PLTP: variants seen among roughly 807,000 people sequenced by gnomAD.
PLTP encodes the protein phospholipid transfer protein.
In PLTP, 43 loss-of-function variants were observed where a neutral mutation model predicts 54.1. The observed-to-expected ratio is 0.79, with a 90% CI of 0.62 to 1.02. PLTP has a LOEUF of 1.02. Ranked by LOEUF, PLTP falls within the 50% of genes least tolerant of loss-of-function variation. The pLI is 0.00. For missense variants in PLTP, 604 were observed against 645.9 expected (o/e 0.94, Z 0.70); for synonymous variants, 263 against 264.6 (o/e 0.99, Z 0.06).
intron 12 of PLTP, 98 bp from the exon 13 acceptor site, chr20:45,899,976 T>C (rs2083165763): frequency 9.8e-7 from 1 of 1,023,626 alleles, no homozygotes; most frequent in East Asian, 2.6e-5. Flanking sequence ...AGTTGCAGGC[T>C]CAGATGCCCA....
Position 45,899,662 on chromosome 20 carries a change from C to T in PLTP, c.1242G>A (p.Leu414=), listed in dbSNP as rs775610925. Residue 414 remains leucine (L), a synonymous_variant, in exon 14 of 16, where the codon CTG becomes CTA. Transcript: ENST00000372431. ...SLALIPLQAP[L]KTMLQIGVMP... Reference sequence around the variant, plus strand: ...TCACCCCAATCTGCAGCATGGTCTTCAGAGGGGCCTGTAATGGGATCAGCT... The same window carrying T: ...TCACCCCAATCTGCAGCATGGTCTTTAGAGGGGCCTGTAATGGGATCAGCT... 1.9e-6 allele frequency: 3 copies of T among 1,613,886 alleles called. No homozygotes were observed. Among genetic ancestry groups the T allele is most frequent in the South Asian group, 1.1e-5 (1 of 91,066 alleles).
intron 12 of PLTP, 59 bp downstream of exon 12, chr20:45,902,208 C>T (rs1366167535): frequency 1.3e-6 from 2 of 1,558,550 alleles, no homozygotes; most frequent in Non-Finnish European, 1.8e-6. Flanking sequence ...CGCAACATCC[C>T]TGTGGACAGG....
intron 7 of PLTP, among the ~76,000 whole-genome samples, chr20:45,907,257 G>C (rs1352379804): frequency 3.3e-5 from 5 of 151,568 alleles, no homozygotes; most frequent in Non-Finnish European, 1.5e-5. Context: ...AACCCGGGAG[G>C]TGGAGATTGC....
Position 45,907,861 on chromosome 20 carries a change from G to C in PLTP, c.529C>G (p.Arg177Gly). Residue 177 changes from arginine to glycine, a missense_variant, in exon 6 of 16, where the codon CGC (arginine) becomes GGC (glycine). Transcript: ENST00000372431. The stretch of plus-strand genomic sequence containing the variant: ...CACACCTGCTGGTTGAGGAGGAAGC[G>C]CATCCCTGAGGTGATGAACGTGGAG... ...FLSTFITSGM[R>G]FLLNQQICPV... The C allele has an allele frequency of 6.3e-7, 1 of 1,596,852 alleles. No homozygotes were observed. The highest frequency in any genetic ancestry group is 8.5e-7 in the Non-Finnish European group (1 of 1,172,386).
chr20:45,901,221 T>G (rs1176232553), intron 12 of PLTP, among the ~76,000 whole-genome samples: 2 of 152,224 alleles, frequency 1.3e-5, no homozygotes, highest in African/African-American at 2.4e-5. Flanking sequence ...ATGTGGCTAG[T>G]ATCTACCATA....
chr20:45,909,805 GA>G (rs1478263422), intron 4 of PLTP, 134 bp from the exon 5 acceptor site: 167 of 1,415,536 alleles, frequency 1.2e-4, no homozygotes, highest in Non-Finnish European at 1.4e-4. Flanking sequence ...CAACTCGTAT[GA>G]AATGCATATG....
At chr20:45,905,366 G>C (rs2083230226) in intron 8 of PLTP, among the ~76,000 whole-genome samples, 1 of 152,228 alleles carries the variant, frequency 6.6e-6, no homozygotes, top group Admixed American at 6.5e-5. Flanking sequence ...TGACATCTGA[G>C]TGGGCCTTGA....
At position 45,907,739 on chromosome 20, in the gene PLTP, T is replaced by C. The variant is rs141849318; in HGVS notation, c.566A>G (p.Tyr189Cys). The change falls in exon 7 of 16, where the codon TAC becomes TGC. Residue 189 changes from tyrosine to cysteine, a missense_variant. Coordinates refer to ENST00000372431, the MANE Select transcript of PLTP (RefSeq NM_006227.4). ...GTTGAGCAGGACCGTCCCTGCGTGG[T>C]AGAGGACAGGGCAGATCTGCGAGGT... is the stretch of plus-strand genomic sequence containing the variant. Reference protein sequence around the residue: ...LLNQQICPVLYHAGTVLLNSL... With the variant: ...LLNQQICPVLCHAGTVLLNSL... The C allele has an allele frequency of 6.2e-7, 1 of 1,613,768 alleles. No individual in the cohort carries two copies. The highest frequency in any genetic ancestry group is 8.5e-7 in the Non-Finnish European group (1 of 1,179,952).
intron 12 of PLTP, 128 bp from the exon 13 acceptor site, chr20:45,900,006 G>A: frequency 1.3e-6 from 1 of 777,896 alleles, no homozygotes; most frequent in East Asian, 2.7e-5. Flanking sequence ...CTTTCCAAGT[G>A]CTACAACTTT....
chr20:45,898,624 G>A lies in PLTP; in HGVS notation c.*317C>T. On this transcript the variant is annotated 3_prime_UTR_variant, in exon 16 of 16. Transcript: ENST00000372431. This position sits in a 1 kb window ranked among gnomAD's most constrained non-coding sequence, Gnocchi z 4.6. ...CCCAGGGTCTCCCATAGACAGCCTG[G>A]GGGCAAGTTAGCACTTTATTCCCGC... The A allele has an allele frequency of 1.3e-6, 1 of 746,472 alleles. No homozygotes were observed. Among genetic ancestry groups the A allele is most frequent in the Non-Finnish European group, 2.3e-6 (1 of 432,142 alleles). 46.2% of individuals were successfully genotyped at this position (746,472 alleles called of 1,614,324 possible). A position where few individuals can be genotyped will look rare whatever the true frequency, so the allele number is the denominator to read the frequency against.
chr20:45,905,215 G>A (rs1472218819), intron 8 of PLTP, 97 bp from the exon 9 acceptor site: 3 of 1,070,274 alleles, frequency 2.8e-6, no homozygotes, highest in Non-Finnish European at 4.2e-6. Context: ...CACTGTGGGG[G>A]GATGGTGGGA....
intron 10 of PLTP, among the ~76,000 whole-genome samples, chr20:45,903,792 T>C (rs1391197025): frequency 3.9e-5 from 6 of 152,144 alleles, no homozygotes; most frequent in Non-Finnish European, 5.9e-5. Flanking sequence ...TGAGCCAAGA[T>C]TGCGCCACTG....
rs757314282 is a variant in PLTP at position 45,909,562 on chromosome 20, G to A, written c.439C>T (p.Gln147Ter). 6.2e-7 allele frequency: 1 copy of A among 1,614,200 alleles called. No individual in the cohort carries two copies. The highest frequency in any genetic ancestry group is 1.7e-5 in the Admixed American group (1 of 60,018). The change falls in exon 5 of 16, where the codon CAG (glutamine) becomes TAG (stop). Residue 147 changes from glutamine (Q) to a stop codon, truncating the protein, a stop_gained. Transcript: ENST00000372431. LOFTEE classifies it high-confidence loss of function. ...GCGTGCATTCTGGAGACAGAGGCCTGGCAGGAGACATTGGACACTTTCATC... is the reference window on the plus strand; with the variant it reads ...GCGTGCATTCTGGAGACAGAGGCCTAGCAGGAGACATTGGACACTTTCATC... The part of the protein sequence containing the change: ...GRMKVSNVSC[Q>*]ASVSRMHAAF...
chr20:45,910,328 G>GT (rs1490135690), intron 3 of PLTP, among the ~76,000 whole-genome samples: 1 of 152,056 alleles, frequency 6.6e-6, no homozygotes, highest in African/African-American at 2.4e-5. Context: ...TTGTTTGTTT[G>GT]TTTGCCAGGT....
chr20:45,901,951 C>T (rs1251756718), intron 12 of PLTP, among the ~76,000 whole-genome samples: 1 of 151,746 alleles, frequency 6.6e-6, no homozygotes, highest in Non-Finnish European at 1.5e-5. Flanking sequence ...AAAATGGCCT[C>T]AAGGTCACAA....
intron 10 of PLTP, among the ~76,000 whole-genome samples, chr20:45,902,938 T>G (rs2083200967): frequency 6.6e-6 from 1 of 152,198 alleles, no homozygotes; most frequent in South Asian, 2.1e-4. Flanking sequence ...GAGTCTCACT[T>G]TGTTGCCCAG....
At chr20:45,902,211 TG>T in intron 12 of PLTP, 55 bp downstream of exon 12, 2 of 1,563,464 alleles carry the variant, frequency 1.3e-6, no homozygotes, top group Non-Finnish European at 1.8e-6. Flanking sequence ...AACATCCCTG[TG>T]GACAGGTGTG....
At chr20:45,908,508 T>TA (rs2083261055) in intron 5 of PLTP, among the ~76,000 whole-genome samples, 3 of 151,728 alleles carry the variant, frequency 2.0e-5, no homozygotes, top group Admixed American at 6.6e-5. Context: ...GCAGCAAAAA[T>TA]AAAAAAATAG....
At chr20:45,900,555 G>A (rs769322082) in intron 12 of PLTP, among the ~76,000 whole-genome samples, 11 of 151,968 alleles carry the variant, frequency 7.2e-5, no homozygotes, top group South Asian at 2.1e-4. Flanking sequence ...TTGAGACAGC[G>A]TCTCACTGTG....
Sources: allele counts gnomAD v4.1 joint callset (sites outside exome capture counted in the v4.1 genomes callset), GRCh38; gene constraint gnomAD v4.1.1; non-coding constraint Gnocchi (gnomAD v3.1); transcripts MANE v1.5; gene names NCBI Gene and HGNC (gene_info 2026-07-23, HGNC 2026-07-21).